Variants in UBR4 observed in about 807,000 individuals in gnomAD.
UBR4 encodes ubiquitin protein ligase E3 component n-recognin 4.
Under a neutral mutation model 575.6 loss-of-function variants are expected in UBR4, and 124 were observed. The observed-to-expected ratio is 0.22, with a 90% CI of 0.19 to 0.25. UBR4 has a LOEUF of 0.25. Among genes scored for constraint, UBR4 ranks in the 10% least tolerant of loss-of-function variants. The probability of loss-of-function intolerance (pLI) is 1.00; values close to 1 mark genes in which losing one functional copy is unlikely to be tolerated. For synonymous variants in UBR4, 2,455 were observed against 2,473.7 expected (o/e 0.99, Z 0.22); for missense variants, 4,818 against 6,478.8 (o/e 0.74, Z 8.80).
chr1:19,076,213 C>T (rs1378389549), intron 105 of UBR4, among the ~76,000 whole-genome samples: 1 of 152,232 alleles, frequency 6.6e-6, no homozygotes, highest in African/African-American at 2.4e-5. Context: ...AAGGAATTGT[C>T]TGACCACGTC....
At chr1:19,201,131 C>T (rs2092723708) in intron 2 of UBR4, among the ~76,000 whole-genome samples, 1 of 152,050 alleles carries the variant, frequency 6.6e-6, no homozygotes, top group Admixed American at 6.6e-5. Context: ...AGAGCAAGAC[C>T]CTGTCTCTAA....
chr1:19,095,432 T>C (rs533928363), intron 93 of UBR4, 113 bp downstream of exon 93: 47 of 1,022,822 alleles, frequency 4.6e-5, no homozygotes, highest in Non-Finnish European at 6.4e-5. Context: ...GCCAGAGAGA[T>C]GAAGGGCTTG....
chr1:19,141,989 GC>G (rs1414210430), intron 55 of UBR4, among the ~76,000 whole-genome samples: 2 of 152,254 alleles, frequency 1.3e-5, no homozygotes, highest in East Asian at 3.9e-4. Flanking sequence ...GCGACAGCTT[GC>G]CCCCCACAAA....
chr1:19,154,914 C>T lies in UBR4; in HGVS notation c.6458+4G>A. On this transcript the variant is annotated splice_donor_region_variant and intron_variant, in intron 44 of 105. Coordinates refer to ENST00000375254, the MANE Select transcript of UBR4 (RefSeq NM_020765.3). Reference sequence around the variant, plus strand: ...GAAGTTGAACATTAAATGTTCATTCCCACCTTTTGATGTTGATGGGGAAGA... The same window carrying T: ...GAAGTTGAACATTAAATGTTCATTCTCACCTTTTGATGTTGATGGGGAAGA... The T allele has an allele frequency of 6.2e-7, 1 of 1,614,080 alleles. No individual in the cohort carries two copies. Among genetic ancestry groups the T allele is most frequent in the Non-Finnish European group, 8.5e-7 (1 of 1,179,988 alleles).
intron 29 of UBR4, among the ~76,000 whole-genome samples, chr1:19,166,412 T>TA (rs2088404633): frequency 6.7e-6 from 1 of 150,348 alleles, no homozygotes; most frequent in African/African-American, 2.4e-5. Context: ...CAGCACTTGA[T>TA]AGTCATTAAA....
chr1:19,149,674 A>G, intron 49 of UBR4: 2 of 1,150,518 alleles, frequency 1.7e-6, no homozygotes, highest in Non-Finnish European at 2.3e-6. Context: ...CTTCAACAGA[A>G]GCAGAATCAA....
In UBR4 at chr1:19,167,876, G is replaced by T. The variant is rs12084734; in HGVS notation, c.3899+151C>A. The T allele has an allele frequency of 2.6e-3, 1,979 of 761,222 alleles. 34 individuals carry two copies. In the African/African-American group the frequency reaches 0.032, roughly 12 times the overall value. The allele number at this position is 761,222 out of a possible 1,614,324, so 47.2% of individuals were successfully genotyped here. ...GATCTAAGTTAAAAAATCATTCTAG[G>T]TAAGTGCTTATACTTTAAAGCAACA... On this transcript the variant is annotated intron_variant, in intron 28 of 105. Transcript: ENST00000375254.
chr1:19,129,118 A>G, intron 60 of UBR4, 44 bp from the exon 61 acceptor site: 2 of 1,532,534 alleles, frequency 1.3e-6, no homozygotes, highest in Non-Finnish European at 1.8e-6. Flanking sequence ...CTGTACTCCA[A>G]CAGGACACAG....
chr1:19,192,096 T>C, intron 11 of UBR4, 92 bp downstream of exon 11: 1 of 1,449,042 alleles, frequency 6.9e-7, no homozygotes, highest in Non-Finnish European at 9.3e-7. Context: ...AGGCAAATTT[T>C]CCTATTGATA....
At chr1:19,130,695 A>C (rs2082322415) in intron 60 of UBR4, among the ~76,000 whole-genome samples, 1 of 152,256 alleles carries the variant, frequency 6.6e-6, no homozygotes, top group Non-Finnish European at 1.5e-5. Flanking sequence ...AAAGATGAAC[A>C]AGGTACAAGT....
chr1:19,102,251 G>C (rs1162894494), intron 87 of UBR4, among the ~76,000 whole-genome samples: 1 of 152,152 alleles, frequency 6.6e-6, no homozygotes, highest in Non-Finnish European at 1.5e-5. Flanking sequence ...TATAGTCCCA[G>C]CTACTCAGGA....
intron 18 of UBR4, 60 bp from the exon 19 acceptor site, chr1:19,177,803 A>ATC: frequency 1.3e-6 from 2 of 1,554,594 alleles, no homozygotes. Context: ...CAGGAGTTAT[A>ATC]ATGTCAAGCA....
intron 60 of UBR4, among the ~76,000 whole-genome samples, chr1:19,132,606 A>T (rs1399746708): frequency 2.7e-5 from 1 of 36,420 alleles, no homozygotes; most frequent in African/African-American, 1.7e-4. Context: ...AAAAAATGGT[A>T]AAAAAAAAAA....
chr1:19,139,019 A>C lies in UBR4; in HGVS notation c.8731+64T>G. 5 of 1,512,410 alleles carry C rather than the reference A, an allele frequency of 3.3e-6. No individual in the cohort carries two copies. The highest frequency in any genetic ancestry group is 3.6e-6 in the Non-Finnish European group (4 of 1,122,666). 93.7% of individuals were successfully genotyped at this position (1,512,410 alleles called of 1,614,324 possible). On this transcript the variant is annotated intron_variant, in intron 59 of 105. Transcript: ENST00000375254. This position sits in a 1 kb window ranked among gnomAD's most constrained non-coding sequence, Gnocchi z 4.2. Reference sequence around the variant, plus strand: ...CAAAAACCAACCCCAAGACCCAAGCAGAGATTCCTGTTTTGTCCCCACCCT... The same window carrying C: ...CAAAAACCAACCCCAAGACCCAAGCCGAGATTCCTGTTTTGTCCCCACCCT...
chr1:19,164,258 G>A lies in UBR4; in HGVS notation c.4695C>T (p.Ser1565=), dbSNP rs2087914893. The part of the protein sequence containing the change: ...QLHNAAVDWL[S]RCKKYLSQKN... ...ATACAACTTCATCATCTTACCATCT[G>A]CTCAGCCAATCCACAGCAGCATTAT... is the stretch of plus-strand genomic sequence containing the variant. Residue 1565 remains serine, a synonymous_variant, in exon 33 of 106, where the codon AGC becomes AGT. Transcript: ENST00000375254. The A allele has an allele frequency of 6.2e-7, 1 of 1,611,594 alleles. No individual in the cohort carries two copies. Among genetic ancestry groups the A allele is most frequent in the Admixed American group, 1.7e-5 (1 of 59,824 alleles).
chr1:19,208,630 C>T (rs1349300384), intron 1 of UBR4, among the ~76,000 whole-genome samples: 1 of 152,162 alleles, frequency 6.6e-6, no homozygotes, highest in Non-Finnish European at 1.5e-5. Context: ...GCAAAGACCA[C>T]TACCACATAC....
At chr1:19,144,648 G>A (rs1571072375) in intron 54 of UBR4, 138 bp downstream of exon 54, 1 of 1,254,404 alleles carries the variant, frequency 8.0e-7, no homozygotes, top group Non-Finnish European at 1.1e-6. Context: ...AGATCTTAAA[G>A]CTTTTATTGA....
Position 19,086,332 on chromosome 1 carries a change from G to A in UBR4, c.14688-62C>T, listed in dbSNP as rs573049365. 8.1e-4 allele frequency: 987 copies of A among 1,219,154 alleles called. 3 individuals are homozygous for A. The highest frequency in any genetic ancestry group is 1.0e-3 in the Non-Finnish European group (936 of 896,414). The allele number at this position is 1,219,154 out of a possible 1,614,324, so 75.5% of individuals were successfully genotyped here. ...GCATTAACGTGGCAACCAGGCACCT[G>A]GGCGGGGGGGCGGGGGTGGGGGTGG... On this transcript the variant is annotated intron_variant, in intron 100 of 105. Transcript: ENST00000375254.
At position 19,153,445 on chromosome 1, in the gene UBR4, T is replaced by C. The variant is rs757563696; in HGVS notation, c.6688A>G (p.Met2230Val). The C allele has an allele frequency of 1.4e-5, 23 of 1,614,048 alleles. No individual in the cohort carries two copies. The highest frequency in any genetic ancestry group is 5.0e-5 in the Admixed American group (3 of 60,008). The change falls in exon 46 of 106, where the codon ATG becomes GTG. Residue 2230 changes from methionine to valine, a missense_variant. Physicochemically the swap from Met to Val is conservative, Grantham distance 21. Transcript: ENST00000375254. This position sits in a 1 kb window ranked among gnomAD's most constrained non-coding sequence, Gnocchi z 4.1. ...TACNEQQRTT[M>V]ILLCEDGSLR... Reference sequence around the variant, plus strand: ...CTGCCATCCTCACACAGCAGAATCATTGTTGTCCGCTGCTGCTCATTGCAG... The same window carrying C: ...CTGCCATCCTCACACAGCAGAATCACTGTTGTCCGCTGCTGCTCATTGCAG...
Sources: gnomAD v4.1 joint callset for allele counts (sites outside exome capture counted in the v4.1 genomes callset) on GRCh38, gnomAD v4.1.1 for gene constraint, Gnocchi (gnomAD v3.1) non-coding constraint, MANE v1.5 for transcripts, NCBI Gene and HGNC (gene_info 2026-07-23, HGNC 2026-07-21) for gene names.